Variants in PTAFR observed in about 807,000 individuals in gnomAD.
PTAFR encodes the protein platelet-activating factor receptor.
A neutral mutation model predicts 14.7 loss-of-function variants in PTAFR; 8 were observed. The observed-to-expected ratio is 0.54, with a 90% CI of 0.32 to 0.98. The LOEUF (loss-of-function observed/expected upper bound fraction) is 0.98, where lower values mean the gene tolerates loss of function less well. PTAFR is among the 50% of genes least tolerant of loss of function. The pLI, the probability that PTAFR is intolerant of heterozygous loss-of-function variation, is 0.04. For synonymous variants in PTAFR, 156 were observed against 176.5 expected (o/e 0.88, Z 0.92); for missense variants, 337 against 451.2 (o/e 0.75, Z 2.29).
intron 1 of PTAFR, among the ~76,000 whole-genome samples, chr1:28,171,822 A>C (rs1482477724): frequency 6.6e-6 from 1 of 152,060 alleles, no homozygotes; most frequent in African/African-American, 2.4e-5. Context: ...CAGTTGGCCT[A>C]GGAAACCCCA....
At chr1:28,170,398 A>C (rs575852499) in intron 1 of PTAFR, among the ~76,000 whole-genome samples, 12 of 152,226 alleles carry the variant, frequency 7.9e-5, no homozygotes, top group African/African-American at 2.2e-4. Flanking sequence ...CCTCATCTAT[A>C]AAATGGGAAT....
At chr1:28,192,948 G>A (rs535298062) in intron 1 of PTAFR, among the ~76,000 whole-genome samples, 10 of 152,324 alleles carry the variant, frequency 6.6e-5, no homozygotes, top group African/African-American at 2.2e-4. Context: ...GCAGCACTGA[G>A]ACAGCTGGGA....
intron 1 of PTAFR, among the ~76,000 whole-genome samples, chr1:28,168,267 G>A (rs112647129): frequency 1.6e-4 from 25 of 151,758 alleles, no homozygotes; most frequent in Non-Finnish European, 2.2e-4. Context: ...CACCGCGCCC[G>A]GCAGAAAACA....
chr1:28,168,111 AC>A (rs1386413903), intron 1 of PTAFR, among the ~76,000 whole-genome samples: 1 of 146,496 alleles, frequency 6.8e-6, no homozygotes, highest in Non-Finnish European at 1.5e-5. Context: ...GGTGCCCGCC[AC>A]CACACCCGGC....
intron 1 of PTAFR, among the ~76,000 whole-genome samples, chr1:28,172,161 G>A (rs1376877595): frequency 6.6e-6 from 1 of 152,120 alleles, no homozygotes; most frequent in African/African-American, 2.4e-5. Context: ...GATTACAAGC[G>A]CATGCCACCA....
chr1:28,167,950 CTTTTTTTTTTTTT>C (rs33965504), intron 1 of PTAFR, among the ~76,000 whole-genome samples: 1 of 38,150 alleles, frequency 2.6e-5, no homozygotes, highest in Non-Finnish European at 4.3e-5. Context: ...AAAACCAGAT[CTTTTTTTTTTTTT>C]TTTTTTTTTT....
chr1:28,167,641 T>TA lies in PTAFR; in HGVS notation c.-39+8950_-39+8951insT, dbSNP rs201224408. Among the ~76,000 whole-genome samples the TA allele has an allele frequency of 8.3e-3, 1,083 of 129,898 alleles. 26 individuals are homozygous for TA. Among genetic ancestry groups the TA allele is most frequent in the African/African-American group, 0.031 (1,023 of 32,980 alleles). 85.2% of individuals were successfully genotyped at this position (129,898 alleles called of 152,430 possible). ...AAAGAACTGAAAACGGGATTTTTTT[T>TA]TTTTTTTTTTTTTTTTTTTTTTGAG... is the stretch of plus-strand genomic sequence containing the variant. On this transcript the variant is annotated intron_variant, in intron 1 of 1. Transcript: ENST00000373857.
At chr1:28,173,685 A>G (rs1048034731) in intron 1 of PTAFR, among the ~76,000 whole-genome samples, 2 of 150,180 alleles carry the variant, frequency 1.3e-5, no homozygotes, top group African/African-American at 4.9e-5. Context: ...GGGGCGGGGT[A>G]TGCACAAATT....
In PTAFR at chr1:28,150,470, G is replaced by A. The variant is rs1266332177; in HGVS notation, c.552C>T (p.Val184=). 2 of 1,614,230 alleles carry A rather than the reference G, an allele frequency of 1.2e-6. No homozygotes were observed. The highest frequency in any genetic ancestry group is 1.1e-5 in the South Asian group (1 of 91,084). ...ACACGATGAAGATGTGGATGATGAG[G>A]ACTGGCACGCTGCCCTTCTCGTAAT... ...FEHYEKGSVP[V]LIIHIFIVFS... Residue 184 remains valine, a synonymous_variant, in exon 2 of 2, where the codon GTC becomes GTT. Transcript: ENST00000373857. This position sits in a 1 kb window ranked among gnomAD's most constrained non-coding sequence, Gnocchi z 6.3.
At chr1:28,193,347 G>T (rs1646671673) in intron 1 of PTAFR, among the ~76,000 whole-genome samples, 1 of 152,064 alleles carries the variant, frequency 6.6e-6, no homozygotes, top group Non-Finnish European at 1.5e-5. Context: ...ATCATGTGAG[G>T]CAATATTGTC....
intron 1 of PTAFR, among the ~76,000 whole-genome samples, chr1:28,171,045 G>A (rs772311889): frequency 1.3e-5 from 2 of 150,270 alleles, no homozygotes; most frequent in African/African-American, 2.4e-5. Context: ...AAATTAGGCT[G>A]GGTGGGGTGG....
intron 1 of PTAFR, among the ~76,000 whole-genome samples, chr1:28,191,586 A>AAG (rs35747744): frequency 0.049 from 7,115 of 145,482 alleles, 221 homozygotes; most frequent in Middle Eastern, 0.11. Flanking sequence ...GAAAAAAGAA[A>AAG]AGAGAGAGAG....
chr1:28,183,039 C>A (rs1323263599), intron 1 of PTAFR, among the ~76,000 whole-genome samples: 2 of 150,762 alleles, frequency 1.3e-5, no homozygotes, highest in Admixed American at 6.6e-5. Context: ...TAAAGAAATT[C>A]AATTTTGTGT....
rs2148992300 is a variant in PTAFR at position 28,151,030 on chromosome 1, GC to G, written c.-10del. On this transcript the variant is annotated 5_prime_UTR_variant, in exon 2 of 2. Coordinates refer to ENST00000373857, the MANE Select transcript of PTAFR (RefSeq NM_000952.5). Reference sequence around the variant, plus strand: ...GAGTCATGTGGCTCCATTGCTGTGGGCTGGAATGATCAGCTGGTCCTGGTGG... The same window carrying G: ...GAGTCATGTGGCTCCATTGCTGTGGGTGGAATGATCAGCTGGTCCTGGTGG... The G allele has an allele frequency of 6.4e-7, 1 of 1,561,748 alleles. No individual in the cohort carries two copies. Among genetic ancestry groups the G allele is most frequent in the Non-Finnish European group, 8.7e-7 (1 of 1,153,422 alleles).
rs1193616280 is a variant in PTAFR, at chr1:28,150,440, G to A, written c.582C>T (p.Ser194=). 5 of 1,614,014 alleles carry A rather than the reference G, an allele frequency of 3.1e-6. No homozygotes were observed. The highest frequency in any genetic ancestry group is 2.7e-5 in the African/African-American group (2 of 74,946). ...GGATGATGAGGAAGACCAGGAAGAA[G>A]CTGAACACGATGAAGATGTGGATGA... The part of the protein sequence containing the change: ...VLIIHIFIVF[S]FFLVFLIILF... Residue 194 remains serine (S), a synonymous_variant, in exon 2 of 2, where the codon AGC becomes AGT. Transcript: ENST00000373857. The surrounding 1 kb of genome is among the most constrained non-coding windows in gnomAD (Gnocchi z 6.3).
rs1014846833 is a variant in PTAFR, at chr1:28,150,902, A to G, written c.120T>C (p.Phe40=). 3.1e-6 allele frequency: 5 copies of G among 1,614,050 alleles called. No homozygotes were observed. The highest frequency in any genetic ancestry group is 1.1e-5 in the South Asian group (1 of 91,074). The stretch of plus-strand genomic sequence containing the variant: ...ATTTCTTGCAAGGGTACAGGCGGGC[A>G]AAGACCCACAGCACGTAGCCATTAG... ...VIANGYVLWV[F]ARLYPCKKFN... Residue 40 remains phenylalanine (F), a synonymous_variant, in exon 2 of 2, where the codon TTT becomes TTC. Transcript: ENST00000373857. The surrounding 1 kb of genome is among the most constrained non-coding windows in gnomAD (Gnocchi z 6.3).
At chr1:28,163,385 G>C (rs573323747) in intron 1 of PTAFR, among the ~76,000 whole-genome samples, 1 of 152,078 alleles carries the variant, frequency 6.6e-6, no homozygotes, top group African/African-American at 2.4e-5. Context: ...TCCCAGTGTC[G>C]GGCACCGAGG....
At position 28,184,389 on chromosome 1, in the gene PTAFR, G is replaced by C. The variant is rs528223839; in HGVS notation, c.-39+9333C>G. On this transcript the variant is annotated intron_variant, in intron 1 of 1. Coordinates refer to the PTAFR transcript ENST00000305392. ...ATTACAGGTGTGAGCCACCGTACCC[G>C]GCCTAGTCTGTTCTTAATACAGCAA... Among the ~76,000 whole-genome samples, 4 of 152,098 alleles carry C rather than the reference G, an allele frequency of 2.6e-5. No homozygotes were observed. In the Middle Eastern group the frequency reaches 0.01, roughly 388 times the overall value.
Position 28,150,328 on chromosome 1 carries a change from A to G in PTAFR, c.694T>C (p.Trp232Arg), listed in dbSNP as rs780778893. 5 of 1,614,034 alleles carry G rather than the reference A, an allele frequency of 3.1e-6. No homozygotes were observed. Among genetic ancestry groups the G allele is most frequent in the Non-Finnish European group, 3.4e-6 (4 of 1,179,918 alleles). The change falls in exon 2 of 2, where the codon TGG (tryptophan) becomes CGG (arginine). Residue 232 changes from tryptophan to arginine, a missense_variant. Coordinates refer to ENST00000373857, the MANE Select transcript of PTAFR (RefSeq NM_000952.5). This position sits in a 1 kb window ranked among gnomAD's most constrained non-coding sequence, Gnocchi z 6.3. ...RNAEVKRRAL[W>R]MVCTVLAVFI... ...ACCGCCAAGACCGTGCACACCATCCACAGCGCCCGGCGCTTGACTTCAGCG... is the reference window on the plus strand; with the variant it reads ...ACCGCCAAGACCGTGCACACCATCCGCAGCGCCCGGCGCTTGACTTCAGCG...
Sources: allele counts gnomAD v4.1 joint callset (sites outside exome capture counted in the v4.1 genomes callset), GRCh38; gene constraint gnomAD v4.1.1; non-coding constraint Gnocchi (gnomAD v3.1); transcripts MANE v1.5; gene names NCBI Gene and HGNC (gene_info 2026-07-23, HGNC 2026-07-21).